The following MAD1L1 variants were observed in gnomAD, a reference collection of about 807,000 sequenced individuals.
MAD1L1 encodes mitotic spindle assembly checkpoint protein MAD1.
MAD1L1 carries 95 observed loss-of-function variants against 96.9 expected under a neutral mutation model. The ratio of observed to expected loss-of-function variants is 0.98; its 90% CI spans 0.83 to 1.16. MAD1L1 has a LOEUF of 1.16. Among genes scored for constraint, MAD1L1 ranks in the 50% most tolerant of loss-of-function variants. MAD1L1 has a pLI of 0.00. For synonymous variants in MAD1L1, 473 were observed against 396.6 expected, an observed-to-expected ratio of 1.19 and a Z score of -2.29; for missense variants, 1,007 against 954.4, an observed-to-expected ratio of 1.06 and a Z score of -0.73.
At chr7:1,974,986 G>A (rs1780569368) in intron 15 of MAD1L1, among the ~76,000 whole-genome samples, 1 of 152,190 alleles carries the variant, frequency 6.6e-6, no homozygotes, top group South Asian at 2.1e-4. Context: ...GCCTTCACTG[G>A]CTGTGGTCAC....
At chr7:2,001,365 C>T (rs1345925232) in intron 14 of MAD1L1, among the ~76,000 whole-genome samples, 1 of 152,280 alleles carries the variant, frequency 6.6e-6, no homozygotes, top group African/African-American at 2.4e-5. Flanking sequence ...GGAACCTACA[C>T]TTTGTTTAGG....
intron 18 of MAD1L1, among the ~76,000 whole-genome samples, chr7:1,852,998 C>T (rs1784056718): frequency 6.6e-6 from 1 of 152,226 alleles, no homozygotes; most frequent in African/African-American, 2.4e-5. Flanking sequence ...CAGCGCAGGG[C>T]GGCCGAGGCA....
intron 11 of MAD1L1, among the ~76,000 whole-genome samples, chr7:2,084,401 G>C (rs964119681): frequency 6.6e-6 from 1 of 152,228 alleles, no homozygotes; most frequent in Non-Finnish European, 1.5e-5. Context: ...CAAGGGGGCA[G>C]AGCATGCGAG....
intron 18 of MAD1L1, among the ~76,000 whole-genome samples, chr7:1,897,125 G>A (rs1050515086): frequency 5.3e-5 from 8 of 152,228 alleles, no homozygotes; most frequent in Non-Finnish European, 1.0e-4. Context: ...AGGCTGTGAA[G>A]ACGGGCGGGT....
intron 10 of MAD1L1, among the ~76,000 whole-genome samples, chr7:2,157,762 C>A (rs2128586083): frequency 6.6e-6 from 1 of 152,320 alleles, no homozygotes; most frequent in Middle Eastern, 3.4e-3. Flanking sequence ...ACATCAAATC[C>A]AAGACCAGAG....
At chr7:2,222,198 C>G (rs369294923) in intron 5 of MAD1L1, among the ~76,000 whole-genome samples, 3 of 151,948 alleles carry the variant, frequency 2.0e-5, no homozygotes, top group East Asian at 3.9e-4. Flanking sequence ...CTCAGCCTCC[C>G]GAGTCCCACA....
At chr7:2,213,453 C>G (rs994138628) in intron 9 of MAD1L1, among the ~76,000 whole-genome samples, 180 bp from the exon 10 acceptor site, 1 of 152,204 alleles carries the variant, frequency 6.6e-6, no homozygotes, top group Non-Finnish European at 1.5e-5. Context: ...TATTCCCCAA[C>G]TGCAGAAGCC....
intron 11 of MAD1L1, among the ~76,000 whole-genome samples, chr7:2,112,101 G>A (rs954828889): frequency 3.9e-5 from 6 of 152,160 alleles, no homozygotes; most frequent in African/African-American, 9.7e-5. Context: ...ACACAGCCAC[G>A]CGGTGAGTCC....
chr7:2,150,812 T>G (rs1789535324), intron 10 of MAD1L1, among the ~76,000 whole-genome samples: 1 of 152,134 alleles, frequency 6.6e-6, no homozygotes, highest in Non-Finnish European at 1.5e-5. Flanking sequence ...GCCTTCTCCC[T>G]TCCACGTCCC....
intron 18 of MAD1L1, among the ~76,000 whole-genome samples, chr7:1,831,739 C>A (rs1782713318): frequency 6.6e-6 from 1 of 152,176 alleles, no homozygotes; most frequent in Admixed American, 6.5e-5. Flanking sequence ...TCTTGGGGCC[C>A]TTAAGAATGA....
intron 17 of MAD1L1, among the ~76,000 whole-genome samples, chr7:1,933,166 C>T (rs1219051399): frequency 1.3e-5 from 2 of 152,182 alleles, no homozygotes; most frequent in African/African-American, 4.8e-5. Context: ...CTGTCCTTTC[C>T]CTTGGGCTGT....
intron 16 of MAD1L1, among the ~76,000 whole-genome samples, chr7:1,946,178 G>A (rs1023582751): frequency 6.6e-6 from 1 of 152,216 alleles, no homozygotes; most frequent in Non-Finnish European, 1.5e-5. Flanking sequence ...TGCCCTCTGT[G>A]CATTCTGGCA....
At chr7:1,924,744 A>G (rs895140572) in intron 17 of MAD1L1, among the ~76,000 whole-genome samples, 1 of 152,220 alleles carries the variant, frequency 6.6e-6, no homozygotes, top group Non-Finnish European at 1.5e-5. Context: ...GACAGTTAAG[A>G]GCAAGAATTG....
chr7:2,056,006 A>C (rs904478153), intron 12 of MAD1L1, among the ~76,000 whole-genome samples: 5 of 152,270 alleles, frequency 3.3e-5, no homozygotes, highest in South Asian at 2.1e-4. Context: ...TAAATAAAAA[A>C]CACAAATCTA....
intron 18 of MAD1L1, among the ~76,000 whole-genome samples, chr7:1,820,840 G>C (rs1375492729): frequency 6.6e-6 from 1 of 152,072 alleles, no homozygotes; most frequent in Non-Finnish European, 1.5e-5. Flanking sequence ...CCAGCACTTT[G>C]GGAGGCCGAG....
At chr7:1,862,596 G>T (rs1312309628) in intron 18 of MAD1L1, among the ~76,000 whole-genome samples, 1 of 152,266 alleles carries the variant, frequency 6.6e-6, no homozygotes, top group Admixed American at 6.5e-5. Context: ...CACTCAGGGG[G>T]CATTGCTGGA....
chr7:2,220,748 G>T (rs1232351781), intron 5 of MAD1L1: 8 of 979,254 alleles, frequency 8.2e-6, no homozygotes, highest in Non-Finnish European at 1.0e-5. Flanking sequence ...CTCCCCACAT[G>T]CCCACAATAT....
rs575499702 is a variant in MAD1L1, at chr7:1,917,667, G to A, written c.1807+19020C>T. 3.5e-4 allele frequency among the ~76,000 whole-genome samples: 53 copies of A among 152,360 alleles called. 1 individual carries two copies. The highest frequency in any genetic ancestry group is 2.0e-3 in the Admixed American group (30 of 15,308). On this transcript the variant is annotated intron_variant, in intron 17 of 18. Coordinates refer to ENST00000265854, the MANE Select transcript of MAD1L1 (RefSeq NM_001013836.2). ...GAGAGAAGAAGGGTGTCGCGGCGACGGAGCTGCTTGCCACGGCTGGGGACC... is the reference window on the plus strand; with the variant it reads ...GAGAGAAGAAGGGTGTCGCGGCGACAGAGCTGCTTGCCACGGCTGGGGACC...
At chr7:1,945,442 G>A (rs1398730068) in intron 16 of MAD1L1, among the ~76,000 whole-genome samples, 1 of 152,254 alleles carries the variant, frequency 6.6e-6, no homozygotes, top group Non-Finnish European at 1.5e-5. Flanking sequence ...AACGCAGGAA[G>A]TAAGAGCAAG....
Sources: gnomAD v4.1 joint callset for allele counts (sites outside exome capture counted in the v4.1 genomes callset) on GRCh38, gnomAD v4.1.1 for gene constraint, MANE v1.5 for transcripts, NCBI Gene and HGNC (gene_info 2026-07-23, HGNC 2026-07-21) for gene names.